The following TMEM132B variants were observed in gnomAD, a reference collection of about 807,000 sequenced individuals.
TMEM132B encodes transmembrane protein 132B.
TMEM132B carries 18 observed loss-of-function variants against 90.8 expected under a neutral mutation model. The observed-to-expected ratio is 0.20, with a 90% CI of 0.14 to 0.29. The LOEUF (loss-of-function observed/expected upper bound fraction) is 0.29, where lower values mean the gene tolerates loss of function less well. TMEM132B is among the 10% of genes least tolerant of loss of function. The pLI, the probability that TMEM132B is intolerant of heterozygous loss-of-function variation, is 1.00. For missense variants in TMEM132B, 1,096 were observed against 1,326.8 expected, an observed-to-expected ratio of 0.83 and a Z score of 2.70; for synonymous variants, 504 against 523.3, an observed-to-expected ratio of 0.96 and a Z score of 0.50.
At chr12:125,503,549 G>T (rs1882752687) in intron 3 of TMEM132B, among the ~76,000 whole-genome samples, 1 of 152,214 alleles carries the variant, frequency 6.6e-6, no homozygotes, top group Non-Finnish European at 1.5e-5. Context: ...TAAGATTGAT[G>T]TGCAGTGAGC....
At position 125,643,983 on chromosome 12, in the gene TMEM132B, A is replaced by G; in HGVS notation, c.1438-93A>G. On this transcript the variant is annotated intron_variant, in intron 5 of 8. Transcript: ENST00000682704. ...GGGTTGTTTTGGTGTCTAATAAATC[A>G]GAGCTGCTGCAGTTCATGAACTTTC... The G allele has an allele frequency of 7.9e-6, 9 of 1,134,072 alleles. No homozygotes were observed. In the South Asian group the frequency reaches 1.2e-4, roughly 16 times the overall value. The allele number at this position is 1,134,072 out of a possible 1,614,324, so 70.3% of individuals were successfully genotyped here. A position where few individuals can be genotyped will look rare whatever the true frequency, so the allele number is the denominator to read the frequency against.
intron 1 of TMEM132B, among the ~76,000 whole-genome samples, chr12:125,216,154 CT>C (rs1873432553): frequency 6.6e-6 from 1 of 152,194 alleles, no homozygotes; most frequent in Non-Finnish European, 1.5e-5. Flanking sequence ...ACAGAAATTT[CT>C]TTTCTTACAG....
At chr12:125,190,778 T>G (rs1362451602) in intron 1 of TMEM132B, among the ~76,000 whole-genome samples, 3 of 15,612 alleles carry the variant, frequency 1.9e-4, no homozygotes, top group African/African-American at 3.6e-4. Context: ...GGTGGTGATG[T>G]TGATGGGAAG....
intron 3 of TMEM132B, among the ~76,000 whole-genome samples, chr12:125,465,904 C>T (rs1402505841): frequency 6.6e-6 from 1 of 152,196 alleles, no homozygotes; most frequent in Non-Finnish European, 1.5e-5. Flanking sequence ...CATTCTGGCT[C>T]CTCTTCCCCT....
At chr12:125,646,876 C>G (rs1461623822) in intron 6 of TMEM132B, among the ~76,000 whole-genome samples, 1 of 152,006 alleles carries the variant, frequency 6.6e-6, no homozygotes, top group East Asian at 1.9e-4. Flanking sequence ...TGGCAGTGCC[C>G]AGATAAATCA....
intron 5 of TMEM132B, among the ~76,000 whole-genome samples, chr12:125,595,549 C>G (rs981301258): frequency 2.0e-5 from 3 of 152,160 alleles, no homozygotes; most frequent in Admixed American, 1.3e-4. Flanking sequence ...TAGGTTGGTG[C>G]AAAAGTAACT....
rs1408778619 is a variant in TMEM132B at position 125,359,442 on chromosome 12, C to CAA, written c.959+9104_959+9105dup. Among the ~76,000 whole-genome samples, 14 of 151,504 alleles carry CAA rather than the reference C, an allele frequency of 9.2e-5. No individual in the cohort carries two copies. In the South Asian group the frequency reaches 2.9e-3, roughly 32 times the overall value. On this transcript the variant is annotated intron_variant, in intron 2 of 8. Transcript: ENST00000682704. ...TCCTGTTAAGATGTTATATTGGCTA[C>CAA]AAAAAAGACAATGTCAAAAAAACCC...
At chr12:125,426,857 C>A (rs1880332389) in intron 3 of TMEM132B, among the ~76,000 whole-genome samples, 1 of 152,200 alleles carries the variant, frequency 6.6e-6, no homozygotes, top group African/African-American at 2.4e-5. Context: ...GTGAATTGAA[C>A]CAGTAGGCAG....
At position 125,511,386 on chromosome 12, in the gene TMEM132B, G is replaced by A. The variant is rs532934117; in HGVS notation, c.1107-8053G>A. Among the ~76,000 whole-genome samples, 3 of 152,286 alleles carry A rather than the reference G, an allele frequency of 2.0e-5. No individual in the cohort carries two copies. The South Asian group carries it at 6.2e-4, about 32-fold the overall frequency. On this transcript the variant is annotated intron_variant, in intron 3 of 8. Coordinates refer to ENST00000682704, the MANE Select transcript of TMEM132B (RefSeq NM_001366854.1). Reference sequence around the variant, plus strand: ...TTTCATGGAACCCAAGGAAAGCATTGTAGTCGGTTCCAGGAACTGCAACCA... The same window carrying A: ...TTTCATGGAACCCAAGGAAAGCATTATAGTCGGTTCCAGGAACTGCAACCA...
intron 4 of TMEM132B, among the ~76,000 whole-genome samples, chr12:125,541,967 G>A (rs1442452049): frequency 2.8e-5 from 4 of 144,598 alleles, no homozygotes; most frequent in Non-Finnish European, 4.5e-5. Flanking sequence ...GGAGCTTGCA[G>A]TGAGCTGAGA....
chr12:125,199,309 A>G (rs539895009), intron 1 of TMEM132B, among the ~76,000 whole-genome samples: 6 of 151,944 alleles, frequency 3.9e-5, no homozygotes, highest in Admixed American at 1.3e-4. Context: ...AAAGGAGGGG[A>G]GAGAGAGAGG....
chr12:125,436,150 G>C (rs959923371), intron 3 of TMEM132B, among the ~76,000 whole-genome samples: 1 of 152,164 alleles, frequency 6.6e-6, no homozygotes, highest in African/African-American at 2.4e-5. Context: ...TTTGGGCTCC[G>C]GAGTCCAACT....
intron 1 of TMEM132B, among the ~76,000 whole-genome samples, chr12:125,341,748 T>C (rs565178058): frequency 1.3e-5 from 2 of 152,294 alleles, no homozygotes; most frequent in East Asian, 3.9e-4. Context: ...CTGAAGGAAC[T>C]CTGAGGGGGC....
chr12:125,627,047 T>G (rs1886249985), intron 5 of TMEM132B, among the ~76,000 whole-genome samples: 2 of 152,198 alleles, frequency 1.3e-5, no homozygotes, highest in African/African-American at 4.8e-5. Flanking sequence ...TCAAATTCAC[T>G]GCTTCTTTCC....
intron 2 of TMEM132B, among the ~76,000 whole-genome samples, chr12:125,402,357 T>C (rs1407971283): frequency 6.6e-6 from 1 of 152,082 alleles, no homozygotes; most frequent in Admixed American, 6.5e-5. Context: ...GCCTGGCTAA[T>C]TTTTGTATTT....
intron 5 of TMEM132B, among the ~76,000 whole-genome samples, chr12:125,594,925 A>T (rs1428338102): frequency 6.6e-6 from 1 of 152,086 alleles, no homozygotes; most frequent in Non-Finnish European, 1.5e-5. Context: ...CAACCTCATC[A>T]GCTCCCACCC....
At chr12:125,573,990 A>T (rs933049694) in intron 4 of TMEM132B, among the ~76,000 whole-genome samples, 3 of 152,182 alleles carry the variant, frequency 2.0e-5, no homozygotes, top group Admixed American at 2.0e-4. Context: ...ATAATATTTT[A>T]TACTGTGGAC....
intron 1 of TMEM132B, among the ~76,000 whole-genome samples, chr12:125,242,362 G>T (rs1346361791): frequency 2.0e-5 from 3 of 152,136 alleles, no homozygotes; most frequent in Non-Finnish European, 4.4e-5. Context: ...TGTTTTCCAG[G>T]CTGGTCTTGA....
At chr12:125,189,826 T>C (rs939966053) in intron 1 of TMEM132B, among the ~76,000 whole-genome samples, 2 of 152,136 alleles carry the variant, frequency 1.3e-5, no homozygotes, top group African/African-American at 4.8e-5. Flanking sequence ...GGGTGGTCTC[T>C]GGGCCGGCAA....
Sources: gnomAD v4.1 joint callset for allele counts (sites outside exome capture counted in the v4.1 genomes callset) on GRCh38, gnomAD v4.1.1 for gene constraint, MANE v1.5 for transcripts, NCBI Gene and HGNC (gene_info 2026-07-23, HGNC 2026-07-21) for gene names.